Variants in JMJD1C observed in about 807,000 individuals in gnomAD.
The protein encoded by JMJD1C is jumonji domain-containing protein 1C.
JMJD1C carries 31 observed loss-of-function variants against 245.3 expected under a neutral mutation model. The observed-to-expected ratio is 0.13, with a 90% CI of 0.09 to 0.17. JMJD1C has a LOEUF of 0.17. JMJD1C is among the 10% of genes least tolerant of loss of function. The pLI is 1.00. For missense variants in JMJD1C, 2,691 were observed against 3,000.2 expected, an observed-to-expected ratio of 0.90 and a Z score of 2.41; for synonymous variants, 1,057 against 1,017.4, an observed-to-expected ratio of 1.04 and a Z score of -0.74.
intron 2 of JMJD1C, chr10:63,301,651 G>A (rs1018396342): frequency 8.2e-6 from 3 of 366,662 alleles, no homozygotes; most frequent in Non-Finnish European, 1.6e-5. Context: ...ACAGACCAGG[G>A]CCTGTCCGGG....
rs942150105 is a variant in JMJD1C, at chr10:63,465,351, G to A, written c.168+144C>T. ...CGCAGGGACCCAGGCAAGGGATGCG[G>A]GCAAACGCGCCAAGGGTTCAGCAGA... On this transcript the variant is annotated intron_variant, in intron 1 of 25. Coordinates refer to ENST00000399262, the MANE Select transcript of JMJD1C (RefSeq NM_032776.3). 1.3e-5 allele frequency: 11 copies of A among 845,604 alleles called. No homozygotes were observed. The African/African-American group carries it at 1.7e-4, about 13-fold the overall frequency. The allele number at this position is 845,604 out of a possible 1,614,324, so 52.4% of individuals were successfully genotyped here. A position where few individuals can be genotyped will look rare whatever the true frequency, so the allele number is the denominator to read the frequency against.
chr10:63,267,931 C>T (rs1284290332), intron 2 of JMJD1C, among the ~76,000 whole-genome samples: 1 of 151,958 alleles, frequency 6.6e-6, no homozygotes, highest in African/African-American at 2.4e-5. Context: ...GAGGAAGACG[C>T]GAACAGATGA....
intron 1 of JMJD1C, among the ~76,000 whole-genome samples, chr10:63,484,234 AT>A (rs1953916498): frequency 2.8e-5 from 1 of 35,278 alleles, no homozygotes; most frequent in Non-Finnish European, 9.9e-5. Context: ...GGATGGATGG[AT>A]GGATAGATAG....
At chr10:63,459,031 CATTACGGTAGTTG>C (rs1401463399) in intron 1 of JMJD1C, among the ~76,000 whole-genome samples, 1 of 152,146 alleles carries the variant, frequency 6.6e-6, no homozygotes, top group East Asian at 1.9e-4. Context: ...CTATAGCATA[CATTACGGTAGTTG>C]ATTATGGTAA....
chr10:63,264,961 T>C (rs1481376309), intron 2 of JMJD1C, among the ~76,000 whole-genome samples, 197 bp from the exon 3 acceptor site: 2 of 152,034 alleles, frequency 1.3e-5, no homozygotes, highest in East Asian at 3.8e-4. Context: ...AGAAACAAAC[T>C]AGATCTACAT....
chr10:63,504,806 A>T (rs1249112137), intron 1 of JMJD1C, among the ~76,000 whole-genome samples: 1 of 152,170 alleles, frequency 6.6e-6, no homozygotes, highest in East Asian at 1.9e-4. Context: ...ACTTGAGGCC[A>T]GGAGTTCAAC....
In JMJD1C at chr10:63,208,131, T is replaced by C. The variant is rs1421206042; in HGVS notation, c.3538A>G (p.Arg1180Gly). 2 of 1,614,192 alleles carry C rather than the reference T, an allele frequency of 1.2e-6. No homozygotes were observed. Among genetic ancestry groups the C allele is most frequent in the South Asian group, 1.1e-5 (1 of 91,084 alleles). Reference protein sequence around the residue: ...QIASHSVTTFRNDCRSPTHLT... With the variant: ...QIASHSVTTFGNDCRSPTHLT... The stretch of plus-strand genomic sequence containing the variant: ...TGGGTAGGACTCCTACAATCATTTC[T>C]GAAGGTTGTTACTGAGTGAGATGCA... The change falls in exon 10 of 26, where the codon AGA becomes GGA. Residue 1180 changes from arginine to glycine, a missense_variant. Physicochemically the swap from Arg to Gly is moderately radical, Grantham distance 125. This residue lies in a region of JMJD1C where 1,562 missense variants were observed against 1,490.7 expected (regional missense o/e 1.05). Coordinates refer to ENST00000399262, the MANE Select transcript of JMJD1C (RefSeq NM_032776.3).
chr10:63,479,339 T>A (rs1170662062), intron 1 of JMJD1C, among the ~76,000 whole-genome samples: 1 of 151,034 alleles, frequency 6.6e-6, no homozygotes, highest in Admixed American at 6.6e-5. Context: ...CACCCAGGAA[T>A]AGTAAAGAAA....
At chr10:63,454,594 T>C (rs1045632264) in intron 1 of JMJD1C, among the ~76,000 whole-genome samples, 2 of 151,900 alleles carry the variant, frequency 1.3e-5, no homozygotes, top group African/African-American at 2.4e-5. Flanking sequence ...CCACACCCAG[T>C]TAATTTTTGC....
At position 63,251,243 on chromosome 10, in the gene JMJD1C, T is replaced by C. The variant is rs555346201; in HGVS notation, c.447+13408A>G. Among the ~76,000 whole-genome samples the C allele has an allele frequency of 1.1e-4, 16 of 152,288 alleles. No homozygotes were observed. The South Asian group carries it at 3.3e-3, about 32-fold the overall frequency. ...TGGCAAATGGGAAAAGGGCTGTCAA[T>C]TGGGAATTAGTTCCATATATTGTAC... On this transcript the variant is annotated intron_variant, in intron 3 of 25. Coordinates refer to ENST00000399262, the MANE Select transcript of JMJD1C (RefSeq NM_032776.3).
At chr10:63,434,546 T>C (rs1468137261) in intron 1 of JMJD1C, among the ~76,000 whole-genome samples, 2 of 151,766 alleles carry the variant, frequency 1.3e-5, no homozygotes, top group Middle Eastern at 3.4e-3. Context: ...GAGAGGAAGA[T>C]TTCCAGAGGA....
chr10:63,432,885 A>G (rs1197696695), intron 1 of JMJD1C, among the ~76,000 whole-genome samples: 1 of 152,214 alleles, frequency 6.6e-6, no homozygotes, highest in Non-Finnish European at 1.5e-5. Context: ...TGCTATGAAC[A>G]TTTCTTAATC....
At chr10:63,447,075 G>GAAA (rs11397244) in intron 1 of JMJD1C, among the ~76,000 whole-genome samples, 4 of 145,448 alleles carry the variant, frequency 2.8e-5, no homozygotes, top group African/African-American at 5.0e-5. Context: ...TTATAACCAG[G>GAAA]AAAAAAAAAA....
chr10:63,427,290 C>T (rs913150693), intron 1 of JMJD1C: 20 of 660,760 alleles, frequency 3.0e-5, no homozygotes, highest in Non-Finnish European at 3.8e-5. Context: ...CCACTCCAGC[C>T]GGGACGATGG....
intron 1 of JMJD1C, among the ~76,000 whole-genome samples, chr10:63,403,840 G>A (rs1469166584): frequency 2.6e-5 from 4 of 152,192 alleles, no homozygotes; most frequent in Admixed American, 2.6e-4. Context: ...GGAAGCTGAG[G>A]CAGGAGAATC....
chr10:63,473,676 G>A (rs922501254), intron 1 of JMJD1C, among the ~76,000 whole-genome samples: 38 of 151,956 alleles, frequency 2.5e-4, no homozygotes, highest in African/African-American at 8.9e-4. Flanking sequence ...ATTTTCTTTC[G>A]CTACTTAAAT....
chr10:63,350,016 CATCCTACG>C (rs1944211400), intron 2 of JMJD1C, among the ~76,000 whole-genome samples: 1 of 152,110 alleles, frequency 6.6e-6, no homozygotes, highest in Non-Finnish European at 1.5e-5. Flanking sequence ...ATATGACAAG[CATCCTACG>C]ATGTCATAAA....
chr10:63,403,484 CTT>C (rs1398744166), intron 1 of JMJD1C, among the ~76,000 whole-genome samples: 1 of 152,152 alleles, frequency 6.6e-6, no homozygotes, highest in Admixed American at 6.6e-5. Context: ...AACACAATGT[CTT>C]TGAGCCTTAG....
rs1950533085 is a variant in JMJD1C at position 63,427,895 on chromosome 10, C to CAAGG, written c.168+37596_168+37599dup. On this transcript the variant is annotated intron_variant, in intron 1 of 25. Coordinates refer to ENST00000399262, the MANE Select transcript of JMJD1C (RefSeq NM_032776.3). ...ATGGCACTGGCAGCTACAGAGAAGGCAAGGACCTCACCAGCAAGGCAGCCA... is the reference window on the plus strand; with the variant it reads ...ATGGCACTGGCAGCTACAGAGAAGGCAAGGAAGGACCTCACCAGCAAGGCAGCCA... 2.1e-5 allele frequency: 16 copies of CAAGG among 750,260 alleles called. No individual in the cohort carries two copies. In the South Asian group the frequency reaches 2.3e-4, roughly 11 times the overall value. 46.5% of individuals were successfully genotyped at this position (750,260 alleles called of 1,614,324 possible). A position where few individuals can be genotyped will look rare whatever the true frequency, so the allele number is the denominator to read the frequency against.
Sources: allele counts gnomAD v4.1 joint callset (sites outside exome capture counted in the v4.1 genomes callset), GRCh38; gene constraint gnomAD v4.1.1; regional missense constraint gnomAD v4.1.1; transcripts MANE v1.5; gene names NCBI Gene and HGNC (gene_info 2026-07-23, HGNC 2026-07-21).